The following PDE4B variants were observed in gnomAD, a reference collection of about 807,000 sequenced individuals.
PDE4B encodes phosphodiesterase 4B.
PDE4B carries 20 observed loss-of-function variants against 82.2 expected under a neutral mutation model. The observed-to-expected ratio is 0.24, with a 90% confidence interval of 0.17 to 0.35. The LOEUF is 0.35. PDE4B is among the 10% of genes least tolerant of loss of function. The pLI, the probability that PDE4B is intolerant of heterozygous loss-of-function variation, is 1.00. For synonymous variants in PDE4B, 320 were observed against 318.9 expected, an observed-to-expected ratio of 1.00 and a Z score of -0.04; for missense variants, 655 against 907.2, an observed-to-expected ratio of 0.72 and a Z score of 3.57.
At position 66,035,463 on chromosome 1, in the gene PDE4B, A is replaced by G. The variant is rs191941061; in HGVS notation, c.281+116628A>G. On this transcript the variant is annotated intron_variant, in intron 3 of 16. Coordinates refer to ENST00000341517, the MANE Select transcript of PDE4B (RefSeq NM_002600.4). ...ACTATAACTTTGTACTTATTGACCA[A>G]CATCTCCTCTTTTCCTGTTCACTTC... Among the ~76,000 whole-genome samples the G allele has an allele frequency of 2.0e-5, 3 of 152,280 alleles. No individual in the cohort carries two copies. The East Asian group carries it at 5.8e-4, about 29-fold the overall frequency.
chr1:65,892,553 G>C (rs985927991), intron 1 of PDE4B, among the ~76,000 whole-genome samples: 1 of 151,950 alleles, frequency 6.6e-6, no homozygotes, highest in African/African-American at 2.4e-5. Context: ...CCTTCACTTA[G>C]CTTCTCTCCA....
chr1:65,795,895 C>T (rs1274054378), intron 1 of PDE4B, among the ~76,000 whole-genome samples: 3 of 152,176 alleles, frequency 2.0e-5, no homozygotes, highest in Admixed American at 6.5e-5. Flanking sequence ...ATGTTCTTAC[C>T]CCATACATTC....
chr1:66,237,059 A>G (rs1652516961), intron 3 of PDE4B, among the ~76,000 whole-genome samples: 1 of 152,212 alleles, frequency 6.6e-6, no homozygotes, highest in East Asian at 1.9e-4. Flanking sequence ...TGTGAGAAAA[A>G]AATATATAGC....
chr1:66,251,454 T>A (rs956662225), intron 4 of PDE4B, among the ~76,000 whole-genome samples: 2 of 152,200 alleles, frequency 1.3e-5, no homozygotes, highest in Non-Finnish European at 2.9e-5. Flanking sequence ...CCTTTCCAGC[T>A]GTTAGGAGGA....
intron 4 of PDE4B, among the ~76,000 whole-genome samples, chr1:66,253,796 A>G (rs1442604115): frequency 6.6e-6 from 1 of 152,080 alleles, no homozygotes; most frequent in Non-Finnish European, 1.5e-5. Context: ...TCTAATAGCA[A>G]TTTTCTAACA....
rs532077226 is a variant in PDE4B, at chr1:66,193,956, T to C, written c.282-53504T>C. Among the ~76,000 whole-genome samples the C allele has an allele frequency of 6.2e-3, 943 of 151,678 alleles. 13 individuals carry two copies. Among genetic ancestry groups the C allele is most frequent in the African/African-American group, 0.022 (899 of 41,418 alleles). The stretch of plus-strand genomic sequence containing the variant: ...ATAACAAGAGATTTGAAATCTTTTT[T>C]TTTTTTTTTGGGAGATTCAACAACT... On this transcript the variant is annotated intron_variant, in intron 3 of 16. Coordinates refer to ENST00000341517, the MANE Select transcript of PDE4B (RefSeq NM_002600.4).
Position 66,247,614 on chromosome 1 carries a change from C to A in PDE4B, c.436C>A (p.Pro146Thr). Residue 146 changes from proline to threonine, a missense_variant, in exon 4 of 17, where the codon CCA (proline) becomes ACA (threonine). Coordinates refer to ENST00000341517, the MANE Select transcript of PDE4B (RefSeq NM_002600.4). Reference sequence around the variant, plus strand: ...ATCAGACAGCGACTATGACTTGTCACCAAAGGCGATGTCGAGAAACTCTTC... The same window carrying A: ...ATCAGACAGCGACTATGACTTGTCAACAAAGGCGATGTCGAGAAACTCTTC... ...YRSDSDYDLS[P>T]KAMSRNSSLP... 1 of 1,601,330 alleles carries A rather than the reference C, an allele frequency of 6.2e-7. No individual in the cohort carries two copies. Among genetic ancestry groups the A allele is most frequent in the Non-Finnish European group, 8.5e-7 (1 of 1,173,980 alleles).
chr1:66,147,353 G>A (rs981378410), intron 3 of PDE4B, among the ~76,000 whole-genome samples: 1 of 152,200 alleles, frequency 6.6e-6, no homozygotes, highest in Non-Finnish European at 1.5e-5. Flanking sequence ...TGCAAAGGAT[G>A]AAACTGAGGT....
chr1:66,069,313 CT>C (rs1201668781), intron 3 of PDE4B, among the ~76,000 whole-genome samples: 1 of 151,978 alleles, frequency 6.6e-6, no homozygotes, highest in Non-Finnish European at 1.5e-5. Context: ...TTTTATGCCA[CT>C]CATAAAGCTT....
chr1:66,096,694 C>T (rs1645127644), intron 3 of PDE4B, among the ~76,000 whole-genome samples: 2 of 151,148 alleles, frequency 1.3e-5, no homozygotes, highest in Non-Finnish European at 3.0e-5. Flanking sequence ...ATTCAAATTA[C>T]ATATGTGACT....
intron 3 of PDE4B, among the ~76,000 whole-genome samples, chr1:66,038,378 T>A (rs1035071726): frequency 6.6e-6 from 1 of 151,838 alleles, no homozygotes; most frequent in African/African-American, 2.4e-5. Context: ...TAGCAGGGGG[T>A]CTTGTTATGC....
intron 7 of PDE4B, among the ~76,000 whole-genome samples, chr1:66,311,474 C>A (rs369994318): frequency 6.6e-6 from 1 of 152,230 alleles, no homozygotes. Context: ...GAAAGCACCC[C>A]GTTAGGTGCT....
At chr1:66,181,544 A>G (rs1647063564) in intron 3 of PDE4B, among the ~76,000 whole-genome samples, 1 of 152,210 alleles carries the variant, frequency 6.6e-6, no homozygotes. Context: ...CAATTACTGA[A>G]GAATATTGTT....
chr1:65,887,496 C>T (rs1646804317), intron 1 of PDE4B, among the ~76,000 whole-genome samples: 2 of 126,924 alleles, frequency 1.6e-5, no homozygotes, highest in Non-Finnish European at 3.2e-5. Context: ...TGGCTCACTG[C>T]AGCCTCTGCC....
chr1:66,179,479 A>C (rs997517106), intron 3 of PDE4B, among the ~76,000 whole-genome samples: 21 of 150,520 alleles, frequency 1.4e-4, no homozygotes, highest in African/African-American at 4.5e-4. Flanking sequence ...AGCCCTCTTT[A>C]TGGGCTGCTC....
chr1:66,143,593 C>T (rs1351456469), intron 3 of PDE4B, among the ~76,000 whole-genome samples: 11 of 152,152 alleles, frequency 7.2e-5, no homozygotes. Flanking sequence ...GGGCATACCT[C>T]CTTATGAACA....
chr1:66,210,990 G>T (rs1403555723), intron 3 of PDE4B, among the ~76,000 whole-genome samples: 2 of 152,132 alleles, frequency 1.3e-5, no homozygotes, highest in African/African-American at 2.4e-5. Flanking sequence ...AAGAGTAGTG[G>T]GCAGCCTAGA....
intron 7 of PDE4B, among the ~76,000 whole-genome samples, chr1:66,303,000 C>A (rs1318934283): frequency 1.3e-5 from 2 of 152,126 alleles, no homozygotes; most frequent in African/African-American, 2.4e-5. Flanking sequence ...TCCATGGCAT[C>A]CAAATATTAC....
At chr1:66,319,253 C>CTTT (rs1659234318) in intron 7 of PDE4B, among the ~76,000 whole-genome samples, 1 of 152,156 alleles carries the variant, frequency 6.6e-6, no homozygotes, top group Non-Finnish European at 1.5e-5. Context: ...TTTCTTAGTC[C>CTTT]TCTTCTCCTC....
Sources: allele counts gnomAD v4.1 joint callset (sites outside exome capture counted in the v4.1 genomes callset), GRCh38; gene constraint gnomAD v4.1.1; transcripts MANE v1.5; gene names NCBI Gene and HGNC (gene_info 2026-07-23, HGNC 2026-07-21).